COL8A1: variants seen among roughly 807,000 people sequenced by gnomAD.
COL8A1 encodes collagen type VIII alpha 1 chain, also known as collagen alpha-1(VIII) chain.
COL8A1 carries 21 observed loss-of-function variants against 42.7 expected under a neutral mutation model. The observed-to-expected ratio is 0.49, with a 90% CI of 0.35 to 0.71. The LOEUF is 0.71. Among genes scored for constraint, COL8A1 ranks in the 30% least tolerant of loss-of-function variants. The probability of loss-of-function intolerance (pLI) is 0.01; values close to 1 mark genes in which losing one functional copy is unlikely to be tolerated. For missense variants in COL8A1, 788 were observed against 962.4 expected (o/e 0.82, Z 2.40); for synonymous variants, 367 against 369.1 (o/e 0.99, Z 0.06).
chr3:99,688,663 G>A (rs554120282), intron 1 of COL8A1, among the ~76,000 whole-genome samples: 4 of 152,048 alleles, frequency 2.6e-5, no homozygotes, highest in African/African-American at 7.2e-5. Flanking sequence ...AGCATACCAC[G>A]GCTAGTTTAC....
intron 1 of COL8A1, among the ~76,000 whole-genome samples, chr3:99,702,581 G>A (rs1476770776): frequency 6.6e-6 from 1 of 152,160 alleles, no homozygotes; most frequent in Admixed American, 6.5e-5. Context: ...TGTGAGTGAT[G>A]ATCAACATGA....
intron 2 of COL8A1, among the ~76,000 whole-genome samples, chr3:99,773,517 T>G: frequency 6.6e-6 from 1 of 152,136 alleles, no homozygotes; most frequent in East Asian, 1.9e-4. Flanking sequence ...GAATCTTTAT[T>G]GTGGGGATCT....
intron 1 of COL8A1, chr3:99,675,563 A>G (rs1282408418): frequency 6.6e-6 from 1 of 152,460 alleles, no homozygotes; most frequent in East Asian, 1.9e-4. Context: ...CAGAATTACT[A>G]AGCTACACTG....
At chr3:99,753,913 C>A (rs185025744) in intron 2 of COL8A1, among the ~76,000 whole-genome samples, 24 of 152,242 alleles carry the variant, frequency 1.6e-4, no homozygotes, top group Non-Finnish European at 5.9e-5. Flanking sequence ...TGAGGTTGCC[C>A]AGTCAGTAAA....
chr3:99,739,561 G>A (rs1368673605), intron 1 of COL8A1, among the ~76,000 whole-genome samples: 1 of 152,132 alleles, frequency 6.6e-6, no homozygotes, highest in African/African-American at 2.4e-5. Flanking sequence ...TGACTGCTGT[G>A]TACCCACAGA....
intron 1 of COL8A1, among the ~76,000 whole-genome samples, chr3:99,667,263 G>C (rs1255111841): frequency 1.3e-5 from 2 of 152,082 alleles, no homozygotes; most frequent in African/African-American, 2.4e-5. Flanking sequence ...TTTCTTGTAA[G>C]AGGCATCATT....
At chr3:99,765,335 AC>A (rs1941443226) in intron 2 of COL8A1, among the ~76,000 whole-genome samples, 1 of 152,176 alleles carries the variant, frequency 6.6e-6, no homozygotes, top group African/African-American at 2.4e-5. Flanking sequence ...AATGAACTTC[AC>A]AATCCCCAGC....
At chr3:99,657,465 G>A (rs1456334461) in intron 1 of COL8A1, among the ~76,000 whole-genome samples, 1 of 152,140 alleles carries the variant, frequency 6.6e-6, no homozygotes, top group Non-Finnish European at 1.5e-5. Context: ...GCATCTTTTA[G>A]CTGATAAGAC....
intron 1 of COL8A1, among the ~76,000 whole-genome samples, chr3:99,688,005 G>A (rs1005474578): frequency 2.0e-5 from 3 of 152,134 alleles, no homozygotes; most frequent in African/African-American, 7.2e-5. Flanking sequence ...TCACCCGTAT[G>A]ATCATCAATA....
chr3:99,655,617 A>G (rs1318325979), intron 1 of COL8A1, among the ~76,000 whole-genome samples: 1 of 152,246 alleles, frequency 6.6e-6, no homozygotes, highest in African/African-American at 2.4e-5. Context: ...ATTTAAAGTG[A>G]TATTTCATTT....
chr3:99,647,711 TTAAC>T (rs1236231885), intron 1 of COL8A1, among the ~76,000 whole-genome samples: 6 of 152,222 alleles, frequency 3.9e-5, no homozygotes, highest in Non-Finnish European at 8.8e-5. Flanking sequence ...TTTACTATCA[TTAAC>T]TAACCAAGAT....
intron 1 of COL8A1, among the ~76,000 whole-genome samples, chr3:99,689,161 A>AT (rs35647429): frequency 6.6e-6 from 1 of 152,212 alleles, no homozygotes; most frequent in East Asian, 1.9e-4. Flanking sequence ...TTATCTCAGC[A>AT]TTTTTGGCTA....
At chr3:99,735,754 G>A (rs1940689126) in intron 1 of COL8A1, among the ~76,000 whole-genome samples, 1 of 151,974 alleles carries the variant, frequency 6.6e-6, no homozygotes, top group South Asian at 2.1e-4. Flanking sequence ...ACCTCTGGTA[G>A]AATTCGGCTG....
At chr3:99,753,053 G>A (rs922062289) in intron 2 of COL8A1, among the ~76,000 whole-genome samples, 1 of 152,110 alleles carries the variant, frequency 6.6e-6, no homozygotes, top group Non-Finnish European at 1.5e-5. Flanking sequence ...TGTTATCTGA[G>A]GACCCTTCCA....
chr3:99,662,561 T>A (rs1465375073), intron 1 of COL8A1, among the ~76,000 whole-genome samples: 1 of 152,180 alleles, frequency 6.6e-6, no homozygotes, highest in African/African-American at 2.4e-5. Flanking sequence ...ATCTTTTGAC[T>A]TGAAAAGCAA....
chr3:99,691,222 C>G (rs538213511), intron 1 of COL8A1, among the ~76,000 whole-genome samples: 2 of 152,262 alleles, frequency 1.3e-5, no homozygotes, highest in African/African-American at 4.8e-5. Flanking sequence ...AGAACGCCTT[C>G]TAAGACAGGT....
intron 1 of COL8A1, among the ~76,000 whole-genome samples, chr3:99,723,600 T>G (rs1576448332): frequency 6.6e-6 from 1 of 152,190 alleles, no homozygotes; most frequent in African/African-American, 2.4e-5. Flanking sequence ...GAAAGAAGCC[T>G]TATGAAATTT....
chr3:99,683,768 A>G (rs1938962958), intron 1 of COL8A1, among the ~76,000 whole-genome samples: 1 of 152,176 alleles, frequency 6.6e-6, no homozygotes, highest in African/African-American at 2.4e-5. Context: ...GCCACAAACA[A>G]GCTCACATTG....
chr3:99,669,146 T>TATATATATATATATATATATATATAG, intron 1 of COL8A1, among the ~76,000 whole-genome samples: 7 of 115,390 alleles, frequency 6.1e-5, no homozygotes, highest in East Asian at 3.1e-4. Context: ...TATATATATA[T>TATATATATATATATATATATATATAG]AGAGGGAGAG....
Sources: gnomAD v4.1 joint callset for allele counts (sites outside exome capture counted in the v4.1 genomes callset) on GRCh38, gnomAD v4.1.1 for gene constraint, MANE v1.5 for transcripts, NCBI Gene and HGNC (gene_info 2026-07-23, HGNC 2026-07-21) for gene names.